The following HIP1R variants were observed in gnomAD, a reference collection of about 807,000 sequenced individuals.
HIP1R encodes huntingtin interacting protein 1 related, also known as huntingtin-interacting protein 1-related protein.
A neutral mutation model predicts 144.2 loss-of-function variants in HIP1R; 135 were observed. That is an observed-to-expected ratio of 0.94 (90% CI 0.81 to 1.08). HIP1R has a LOEUF of 1.08. Ranked by LOEUF, HIP1R falls within the 50% of genes least tolerant of loss-of-function variation. HIP1R has a pLI of 0.00. For synonymous variants in HIP1R, 698 were observed against 612.8 expected, an observed-to-expected ratio of 1.14 and a Z score of -2.05; for missense variants, 1,462 against 1,432.8, an observed-to-expected ratio of 1.02 and a Z score of -0.33.
rs775513990 is a variant in HIP1R, at chr12:122,858,914, C to G, written c.2127C>G (p.Thr709=). 2.5e-6 allele frequency: 4 copies of G among 1,613,142 alleles called. No individual in the cohort carries two copies. In the South Asian group the frequency reaches 4.4e-5, roughly 18 times the overall value. The change falls in exon 21 of 32, where the codon ACC becomes ACG. Residue 709 remains threonine (T), a synonymous_variant. Coordinates refer to ENST00000253083, the MANE Select transcript of HIP1R (RefSeq NM_003959.3). ...AADTIINGGA[T]SHLAPTDPAD... is the part of the protein sequence containing the mutation. ...ATACCATCATCAATGGCGGTGCCAC[C>G]TCGCACCTGGCTCCCACCGACCCTG...
intron 23 of HIP1R, 22 bp downstream of exon 23, chr12:122,859,558 T>C (rs748871961): frequency 5.7e-6 from 9 of 1,574,606 alleles, no homozygotes; most frequent in Non-Finnish European, 7.8e-6. Context: ...ATCTGGGGAC[T>C]CCCCTCATTC....
intron 23 of HIP1R, 104 bp from the exon 24 acceptor site, chr12:122,859,668 G>GGGGCCT: frequency 7.0e-7 from 1 of 1,432,092 alleles, no homozygotes; most frequent in Non-Finnish European, 9.7e-7. Context: ...GCGTTTTCCA[G>GGGGCCT]GGGCCTGTGA....
Position 122,836,030 on chromosome 12 carries a change from G to A in HIP1R, c.93+387G>A, listed in dbSNP as rs1235955575. ...CGAGCCCAGCGCGCCGGGGGTCGAG[G>A]GGGCTGGGGATCCAGGTGCTCCCGG... On this transcript the variant is annotated intron_variant, in intron 1 of 31. Coordinates refer to ENST00000253083, the MANE Select transcript of HIP1R (RefSeq NM_003959.3). The surrounding 1 kb of genome is among the most constrained non-coding windows in gnomAD (Gnocchi z 4.1). 6.6e-6 allele frequency among the ~76,000 whole-genome samples: 1 copy of A among 151,860 alleles called. No individual in the cohort carries two copies. Among genetic ancestry groups the A allele is most frequent in the Non-Finnish European group, 1.5e-5 (1 of 67,882 alleles).
chr12:122,835,374 G>C (rs1593853334), upstream of HIP1R: 4 of 1,098,214 alleles, frequency 3.6e-6, no homozygotes, highest in East Asian at 1.9e-4. Flanking sequence ...GGCGGGTTTG[G>C]AGGTGTGCGG....
At chr12:122,851,484 G>A (rs2135658042) in intron 7 of HIP1R, among the ~76,000 whole-genome samples, 187 bp downstream of exon 7, 1 of 152,166 alleles carries the variant, frequency 6.6e-6, no homozygotes, top group African/African-American at 2.4e-5. Flanking sequence ...GATTGCTTGA[G>A]GTCAGGGGTT....
chr12:122,854,032 CT>C lies in HIP1R; in HGVS notation c.578-7del, dbSNP rs772038025. 6.2e-7 allele frequency: 1 copy of C among 1,612,696 alleles called. No homozygotes were observed. The highest frequency in any genetic ancestry group is 2.2e-5 in the East Asian group (1 of 44,812). On this transcript the variant is annotated splice_polypyrimidine_tract_variant and intron_variant, in intron 7 of 31. Coordinates refer to ENST00000253083, the MANE Select transcript of HIP1R (RefSeq NM_003959.3). Reference sequence around the variant, plus strand: ...AGGGCTCACGTTCTTCCTCCTGCCCCTTTTGCACAGTTTTCCGACAGCTCAA... The same window carrying C: ...AGGGCTCACGTTCTTCCTCCTGCCCCTTTGCACAGTTTTCCGACAGCTCAA...
Position 122,861,125 on chromosome 12 carries a change from CCA to C in HIP1R, c.2891-3_2891-2del. 6.2e-7 allele frequency: 1 copy of C among 1,613,418 alleles called. No individual in the cohort carries two copies. Among genetic ancestry groups the C allele is most frequent in the Non-Finnish European group, 8.5e-7 (1 of 1,179,986 alleles). On this transcript the variant is annotated splice_region_variant and splice_polypyrimidine_tract_variant and intron_variant, in intron 29 of 31. Transcript: ENST00000253083. The stretch of plus-strand genomic sequence containing the variant: ...AGATGTTCACCCCCTTGTCCTCCGG[CCA>C]CAGACACCATGGATTTCTCCGGCCT...
rs371091485 is a variant in HIP1R at position 122,855,256 on chromosome 12, C to T, written c.853-9C>T. 192 of 1,612,558 alleles carry T rather than the reference C, an allele frequency of 1.2e-4. 3 individuals are homozygous for T. The highest frequency in any genetic ancestry group is 1.1e-4 in the East Asian group (5 of 44,862). Reference sequence around the variant, plus strand: ...ACAGCTGAGCAGGTCCCACCTGCCGCCCCTGCAGGGACCCCCTAACTTCCT... The same window carrying T: ...ACAGCTGAGCAGGTCCCACCTGCCGTCCCTGCAGGGACCCCCTAACTTCCT... On this transcript the variant is annotated splice_polypyrimidine_tract_variant and intron_variant, in intron 10 of 31. Transcript: ENST00000253083.
At chr12:122,851,205 T>C in intron 6 of HIP1R, 31 bp from the exon 7 acceptor site, 1 of 1,484,926 alleles carries the variant, frequency 6.7e-7, no homozygotes. Context: ...ACCCACCCTT[T>C]TTCATTTCTT....
At chr12:122,844,522 ATCC>A (rs902564793) in intron 1 of HIP1R, among the ~76,000 whole-genome samples, 1 of 152,088 alleles carries the variant, frequency 6.6e-6, no homozygotes, top group Non-Finnish European at 1.5e-5. Flanking sequence ...GAAGAACAGC[ATCC>A]TCCTCCTCAT....
intron 1 of HIP1R, among the ~76,000 whole-genome samples, chr12:122,841,943 G>T (rs527251907): frequency 6.6e-6 from 1 of 152,198 alleles, no homozygotes; most frequent in African/African-American, 2.4e-5. Context: ...CCAGGACCAA[G>T]CAGGCCTGGG....
chr12:122,848,226 G>A (rs2033267190), intron 2 of HIP1R, 132 bp downstream of exon 2: 2 of 1,032,222 alleles, frequency 1.9e-6, no homozygotes. Flanking sequence ...AGGGTCCTGT[G>A]CAGCTTGGCT....
Position 122,851,236 on chromosome 12 carries a change from C to T in HIP1R, c.516C>T (p.Ile172=), listed in dbSNP as rs1258182262. 7 of 1,516,794 alleles carry T rather than the reference C, an allele frequency of 4.6e-6. 1 individual carries two copies. Among genetic ancestry groups the T allele is most frequent in the South Asian group, 2.6e-5 (2 of 76,194 alleles). 94.0% of individuals were successfully genotyped at this position (1,516,794 alleles called of 1,614,324 possible). Residue 172 remains isoleucine, a splice_region_variant and synonymous_variant, in exon 7 of 32, where the codon ATC becomes ATT. Transcript: ENST00000253083. ...TTCTTCCCCCACTTCTCTTGCGTAG[C>T]TTCCAGCTCACTGTGGAGATGTTTG... ...EKAAGTDVNN[I]FQLTVEMFDY... is the part of the protein sequence containing the mutation.
chr12:122,861,268 G>A (rs2033762295), intron 30 of HIP1R, 40 bp from the exon 31 acceptor site: 2 of 1,613,452 alleles, frequency 1.2e-6, no homozygotes, highest in South Asian at 1.1e-5. Flanking sequence ...AGAGCTCCCT[G>A]GGGAGGCTGG....
intron 26 of HIP1R, 59 bp from the exon 27 acceptor site, chr12:122,860,364 C>G: frequency 6.3e-7 from 1 of 1,594,284 alleles, no homozygotes; most frequent in South Asian, 1.1e-5. Context: ...TTGAGGGCCA[C>G]TTTCCACCTT....
chr12:122,848,370 G>T (rs1464760209), intron 2 of HIP1R, 96 bp from the exon 3 acceptor site: 2 of 1,453,704 alleles, frequency 1.4e-6, no homozygotes, highest in Non-Finnish European at 1.9e-6. Context: ...GTGATTGGGG[G>T]CCGGCCCTCT....
Position 122,836,955 on chromosome 12 carries a change from G to T in HIP1R, c.93+1312G>T, listed in dbSNP as rs947800869. Among the ~76,000 whole-genome samples, 1 of 152,306 alleles carries T rather than the reference G, an allele frequency of 6.6e-6. No individual in the cohort carries two copies. Among genetic ancestry groups the T allele is most frequent in the African/African-American group, 2.4e-5 (1 of 41,560 alleles). Reference sequence around the variant, plus strand: ...GGCTGCAAATTACCAATTTAGCCTTGTGATCTTCATCACCATCAACTGGTT... The same window carrying T: ...GGCTGCAAATTACCAATTTAGCCTTTTGATCTTCATCACCATCAACTGGTT... On this transcript the variant is annotated intron_variant, in intron 1 of 31. Coordinates refer to ENST00000253083, the MANE Select transcript of HIP1R (RefSeq NM_003959.3). The surrounding 1 kb of genome is among the most constrained non-coding windows in gnomAD (Gnocchi z 4.1).
intron 1 of HIP1R, among the ~76,000 whole-genome samples, chr12:122,847,766 A>C (rs1406725412): frequency 6.6e-6 from 1 of 152,072 alleles, no homozygotes; most frequent in African/African-American, 2.4e-5. Flanking sequence ...TTTGGGCAGG[A>C]TGGCCTCCCG....
intron 1 of HIP1R, among the ~76,000 whole-genome samples, chr12:122,843,907 A>G (rs1446431975): frequency 2.0e-5 from 3 of 152,176 alleles, no homozygotes; most frequent in Non-Finnish European, 4.4e-5. Context: ...GCTGGAGTGC[A>G]GTGGCATGAT....
Sources: gnomAD v4.1 joint callset for allele counts (sites outside exome capture counted in the v4.1 genomes callset) on GRCh38, gnomAD v4.1.1 for gene constraint, Gnocchi (gnomAD v3.1) non-coding constraint, MANE v1.5 for transcripts, NCBI Gene and HGNC (gene_info 2026-07-23, HGNC 2026-07-21) for gene names.